Variants in ZNF516 observed in about 807,000 individuals in gnomAD.
ZNF516 encodes the protein zinc finger protein 516.
ZNF516 carries 19 observed loss-of-function variants against 79.7 expected under a neutral mutation model. The ratio of observed to expected loss-of-function variants is 0.24; its 90% CI spans 0.17 to 0.35. The LOEUF (loss-of-function observed/expected upper bound fraction) is 0.35. ZNF516 is among the 10% of genes least tolerant of loss of function. The pLI is 1.00. For synonymous variants in ZNF516, 877 were observed against 739.5 expected, an observed-to-expected ratio of 1.19 and a Z score of -3.02; for missense variants, 1,678 against 1,679.5, an observed-to-expected ratio of 1.00 and a Z score of 0.02.
intron 3 of ZNF516, among the ~76,000 whole-genome samples, chr18:76,396,782 G>A (rs889229664): frequency 6.6e-6 from 1 of 152,198 alleles, no homozygotes; most frequent in Non-Finnish European, 1.5e-5. Context: ...GTGGAGAAGA[G>A]AGGCCATTCC....
At chr18:76,474,517 G>A (rs1914064769) in intron 1 of ZNF516, among the ~76,000 whole-genome samples, 2 of 152,188 alleles carry the variant, frequency 1.3e-5, no homozygotes, top group Non-Finnish European at 2.9e-5. Context: ...AAGTGAAACT[G>A]CAAACTCTCT....
chr18:76,485,273 TTAATC>T (rs753912266), intron 1 of ZNF516, among the ~76,000 whole-genome samples: 2 of 152,224 alleles, frequency 1.3e-5, no homozygotes, highest in East Asian at 1.9e-4. Flanking sequence ...TTTGAAATGA[TTAATC>T]TAAATCTGGG....
intron 4 of ZNF516, among the ~76,000 whole-genome samples, chr18:76,375,923 G>A (rs528559915): frequency 6.7e-6 from 1 of 149,634 alleles, no homozygotes; most frequent in African/African-American, 2.5e-5. Flanking sequence ...GAAGGCCCAA[G>A]AGACCAGGTA....
Position 76,362,284 on chromosome 18 carries a change from G to A in ZNF516, c.*214C>T, listed in dbSNP as rs778505405. 1.7e-5 allele frequency: 9 copies of A among 534,812 alleles called. No individual in the cohort carries two copies. The highest frequency in any genetic ancestry group is 2.7e-5 in the Non-Finnish European group (8 of 293,376). The allele number at this position is 534,812 out of a possible 1,614,324, so 33.1% of individuals were successfully genotyped here. A position where few individuals can be genotyped will look rare whatever the true frequency, so the allele number is the denominator to read the frequency against. On this transcript the variant is annotated 3_prime_UTR_variant, in exon 7 of 7. Transcript: ENST00000443185. ...TATCTACATGTATTTCTAGAATATA[G>A]CATCTTCATTTATTTCTGAACGTTT...
chr18:76,437,067 A>AACACAAACACACACACAC, intron 3 of ZNF516, among the ~76,000 whole-genome samples: 1 of 135,892 alleles, frequency 7.4e-6, no homozygotes, highest in East Asian at 2.2e-4. Flanking sequence ...ACCTGTCTAA[A>AACACAAACACACACACAC]ACACACACAC....
intron 6 of ZNF516, among the ~76,000 whole-genome samples, chr18:76,368,048 A>C (rs1283219334): frequency 6.6e-6 from 1 of 152,242 alleles, no homozygotes; most frequent in African/African-American, 2.4e-5. Flanking sequence ...GAATGTTAGC[A>C]AAGCACGCTA....
intron 2 of ZNF516, among the ~76,000 whole-genome samples, chr18:76,454,885 A>G (rs1912625441): frequency 6.6e-6 from 1 of 152,192 alleles, no homozygotes; most frequent in Admixed American, 6.5e-5. Flanking sequence ...ATCATAAACA[A>G]CCTTGCAGAA....
chr18:76,479,993 C>A (rs1295107798), intron 1 of ZNF516, among the ~76,000 whole-genome samples: 2 of 152,098 alleles, frequency 1.3e-5, no homozygotes, highest in Admixed American at 1.3e-4. Context: ...AAATCAGAAA[C>A]AGAGGAACCT....
chr18:76,444,168 AG>A (rs1413866499), intron 2 of ZNF516, among the ~76,000 whole-genome samples: 2 of 152,262 alleles, frequency 1.3e-5, no homozygotes, highest in Non-Finnish European at 2.9e-5. Flanking sequence ...GTAAAGCAGC[AG>A]AACGATGAGC....
intron 3 of ZNF516, among the ~76,000 whole-genome samples, chr18:76,416,329 G>A (rs1841313948): frequency 6.6e-6 from 1 of 152,236 alleles, no homozygotes; most frequent in South Asian, 2.1e-4. Flanking sequence ...GACAAAGCTA[G>A]TGATGCTCCC....
rs933866582 is a variant in ZNF516, at chr18:76,359,846, A to G, written c.*2652T>C. 18 of 152,226 alleles carry G rather than the reference A, an allele frequency of 1.2e-4. No individual in the cohort carries two copies. Among genetic ancestry groups the G allele is most frequent in the African/African-American group, 3.9e-4 (16 of 41,452 alleles). 9.4% of individuals were successfully genotyped at this position (152,226 alleles called of 1,614,324 possible). On this transcript the variant is annotated 3_prime_UTR_variant, in exon 7 of 7. Coordinates refer to ENST00000443185, the MANE Select transcript of ZNF516 (RefSeq NM_014643.4). ...ACCATTCGGAAAAAAAAAGGCAATC[A>G]AAACGGTGGCTAAATAAATAAGGAA... is the stretch of plus-strand genomic sequence containing the variant.
chr18:76,418,442 C>CACATGCTGTA (rs780967338), intron 3 of ZNF516, among the ~76,000 whole-genome samples: 1 of 151,850 alleles, frequency 6.6e-6, no homozygotes, highest in Non-Finnish European at 1.5e-5. Flanking sequence ...CTAACACTAA[C>CACATGCTGTA]ACATGCTGTA....
chr18:76,442,499 T>G lies in ZNF516; in HGVS notation c.556A>C (p.Lys186Gln). 1 of 1,602,374 alleles carries G rather than the reference T, an allele frequency of 6.2e-7. No homozygotes were observed. The highest frequency in any genetic ancestry group is 1.1e-5 in the South Asian group (1 of 91,082). Residue 186 changes from lysine to glutamine, a missense_variant, in exon 3 of 7, where the codon AAG (lysine) becomes CAG (glutamine). By Grantham distance (53) the Lys-to-Gln change is moderately conservative. This residue lies in a region of ZNF516 where 279 missense variants were observed against 254.1 expected (regional missense o/e 1.10). Coordinates refer to ENST00000443185, the MANE Select transcript of ZNF516 (RefSeq NM_014643.4). ...CSFCKSQFER[K>Q]KDLELHVHQA... The stretch of plus-strand genomic sequence containing the variant: ...TGCACGTGCAGCTCCAGGTCCTTCT[T>G]ACGCTCGAACTGGCTCTTGCAGAAG...
intron 3 of ZNF516, among the ~76,000 whole-genome samples, chr18:76,391,637 C>CA (rs2075076032): frequency 6.6e-6 from 1 of 152,204 alleles, no homozygotes; most frequent in African/African-American, 2.4e-5. Flanking sequence ...GTGACTAGGA[C>CA]AGGGGTCCCC....
At chr18:76,490,708 C>G in intron 1 of ZNF516, 1 of 931,780 alleles carries the variant, frequency 1.1e-6, no homozygotes, top group Non-Finnish European at 1.3e-6. Context: ...AACTGCATGG[C>G]AGGCTGACGG....
intron 1 of ZNF516, chr18:76,494,017 T>G (rs1915374574): frequency 6.6e-6 from 1 of 152,206 alleles, no homozygotes. Context: ...GCTCCCGGTC[T>G]GCTGCGGGAA....
intron 3 of ZNF516, among the ~76,000 whole-genome samples, chr18:76,415,363 C>T (rs116294783): frequency 0.019 from 2,852 of 152,320 alleles, 49 homozygotes; most frequent in African/African-American, 0.041. Flanking sequence ...CTGGCACTGA[C>T]GGTTGTCACG....
At chr18:76,362,959 C>A (rs771146948) in intron 6 of ZNF516, among the ~76,000 whole-genome samples, 14 of 152,182 alleles carry the variant, frequency 9.2e-5, no homozygotes, top group Non-Finnish European at 1.6e-4. Flanking sequence ...AGCAGATTTA[C>A]AAGTGAACGG....
intron 4 of ZNF516, among the ~76,000 whole-genome samples, chr18:76,377,209 G>A (rs1312637492): frequency 6.6e-6 from 1 of 152,238 alleles, no homozygotes; most frequent in Admixed American, 6.5e-5. Context: ...CATGGGCGGG[G>A]AGAAGATGAG....
Sources: allele counts gnomAD v4.1 joint callset (sites outside exome capture counted in the v4.1 genomes callset), GRCh38; gene constraint gnomAD v4.1.1; regional missense constraint gnomAD v4.1.1; transcripts MANE v1.5; gene names NCBI Gene and HGNC (gene_info 2026-07-23, HGNC 2026-07-21).